The following ECHDC3 variants were observed in gnomAD, a reference collection of about 807,000 sequenced individuals.
ECHDC3 encodes the protein enoyl-CoA hydratase domain containing 3, also known as enoyl-CoA hydratase domain-containing protein 3, mitochondrial.
ECHDC3 carries 20 observed loss-of-function variants against 17.9 expected under a neutral mutation model. That is an observed-to-expected ratio of 1.12 (90% CI 0.79 to 1.63). The LOEUF is 1.63. Among genes scored for constraint, ECHDC3 ranks in the 40% most tolerant of loss-of-function variants. The pLI is 0.00. For missense variants in ECHDC3, 407 were observed against 357.7 expected (o/e 1.14, Z -1.11); for synonymous variants, 177 against 149.7 (o/e 1.18, Z -1.33).
In ECHDC3 at chr10:11,742,712, C is replaced by A; in HGVS notation, c.136C>A (p.Arg46=). The A allele has an allele frequency of 1.6e-6, 2 of 1,237,552 alleles. No homozygotes were observed. The highest frequency in any genetic ancestry group is 2.0e-6 in the Non-Finnish European group (2 of 991,328). 76.7% of individuals were successfully genotyped at this position (1,237,552 alleles called of 1,614,324 possible). A position where few individuals can be genotyped will look rare whatever the true frequency, so the allele number is the denominator to read the frequency against. ...AGAGRRESEP[R]PTSARQLDGI... is the part of the protein sequence containing the mutation. ...GGCGGGGCGGCGGGAGTCGGAGCCG[C>A]GGCCCACCAGCGCGCGGCAGCTGGA... The change falls in exon 1 of 5, where the codon CGG becomes AGG. Residue 46 remains arginine, a synonymous_variant. Transcript: ENST00000379215.
intron 4 of ECHDC3, 74 bp downstream of exon 4, chr10:11,755,682 T>A: frequency 7.3e-7 from 1 of 1,364,056 alleles, no homozygotes; most frequent in African/African-American, 1.4e-5. Flanking sequence ...ATGCGATGAT[T>A]CAAGATCCGC....
intron 4 of ECHDC3, among the ~76,000 whole-genome samples, chr10:11,761,897 AGGACAGTCTTCCAGTGCT>A (rs1832957392): frequency 6.6e-6 from 1 of 152,202 alleles, no homozygotes; most frequent in Non-Finnish European, 1.5e-5. Flanking sequence ...TGCTATGTGC[AGGACAGTCTTCCAGTGCT>A]GGAGATACAG....
At chr10:11,753,730 A>G (rs1246668954) in intron 3 of ECHDC3, among the ~76,000 whole-genome samples, 2 of 152,014 alleles carry the variant, frequency 1.3e-5, no homozygotes, top group Non-Finnish European at 2.9e-5. Flanking sequence ...ATCCGTGAAT[A>G]GTGTTGTGTA....
rs116651922 is a variant in ECHDC3 at position 11,749,402 on chromosome 10, G to A, written c.293-93G>A. 354 of 1,185,586 alleles carry A rather than the reference G, an allele frequency of 3.0e-4. No homozygotes were observed. In the African/African-American group the frequency reaches 4.9e-3, roughly 17 times the overall value. 73.4% of individuals were successfully genotyped at this position (1,185,586 alleles called of 1,614,324 possible). A position where few individuals can be genotyped will look rare whatever the true frequency, so the allele number is the denominator to read the frequency against. ...AACTTGCTCTAAGTGAAAGTTTGCT[G>A]AAGTTATTCAGTAGACAAGGAAGGG... On this transcript the variant is annotated intron_variant, in intron 2 of 4. Transcript: ENST00000379215.
In ECHDC3 at chr10:11,755,588, G is replaced by T. The variant is rs370058473; in HGVS notation, c.571G>T (p.Ala191Ser). The T allele has an allele frequency of 2.2e-5, 36 of 1,613,146 alleles. No homozygotes were observed. The Admixed American group carries it at 5.0e-4, about 22-fold the overall frequency. ...CTGTTCTACCCCTGGGGTTGCCTTG[G>T]CAAGAGCAGTGCCTAGAAAGGTAAT... ...LFCSTPGVAL[A>S]RAVPRKVALE... Residue 191 changes from alanine (A) to serine (S), a missense_variant, in exon 4 of 5, where the codon GCA becomes TCA. Coordinates refer to ENST00000379215, the MANE Select transcript of ECHDC3 (RefSeq NM_024693.5).
At chr10:11,756,373 A>C (rs1424479780) in intron 4 of ECHDC3, among the ~76,000 whole-genome samples, 1 of 152,236 alleles carries the variant, frequency 6.6e-6, no homozygotes, top group East Asian at 1.9e-4. Context: ...AGGGGGCAGA[A>C]TCTTAGACCA....
intron 4 of ECHDC3, among the ~76,000 whole-genome samples, chr10:11,760,404 A>T (rs923968965): frequency 6.6e-6 from 1 of 152,214 alleles, no homozygotes; most frequent in East Asian, 1.9e-4. Context: ...CCAGGCTGCA[A>T]GCCCCCCACC....
At chr10:11,761,469 G>A (rs10795888) in intron 4 of ECHDC3, among the ~76,000 whole-genome samples, 100,494 of 152,114 alleles carry the variant, frequency 0.66, 33,754 homozygotes, top group Non-Finnish European at 0.71. Context: ...TAGTCCAGCT[G>A]TCACCAGGCA....
At chr10:11,755,879 G>A in intron 4 of ECHDC3, 1 of 390,210 alleles carries the variant, frequency 2.6e-6, no homozygotes, top group Non-Finnish European at 4.6e-6. Context: ...CAGTACCACT[G>A]GGTAGGTTTG....
intron 3 of ECHDC3, 149 bp downstream of exon 3, chr10:11,749,741 TC>T: frequency 4.4e-6 from 1 of 228,008 alleles, no homozygotes; most frequent in East Asian, 1.0e-4. Flanking sequence ...AGATCCTTTA[TC>T]CCAGCAATCC....
In ECHDC3 at chr10:11,755,534, G is replaced by A. The variant is rs746169362; in HGVS notation, c.517G>A (p.Ala173Thr). 5.0e-6 allele frequency: 8 copies of A among 1,614,052 alleles called. No homozygotes were observed. Among genetic ancestry groups the A allele is most frequent in the Non-Finnish European group, 6.8e-6 (8 of 1,179,998 alleles). ...CGTGGCGAGCGACAAGTCCTCTTTT[G>A]CCACTCCTGGGGTGAACGTCGGGCT... is the stretch of plus-strand genomic sequence containing the variant. Reference protein sequence around the residue: ...IAVASDKSSFATPGVNVGLFC... With the variant: ...IAVASDKSSFTTPGVNVGLFC... Residue 173 changes from alanine to threonine, a missense_variant, in exon 4 of 5, where the codon GCC becomes ACC. Coordinates refer to ENST00000379215, the MANE Select transcript of ECHDC3 (RefSeq NM_024693.5).
chr10:11,762,750 G>T (rs563069649), intron 4 of ECHDC3, among the ~76,000 whole-genome samples: 2 of 152,286 alleles, frequency 1.3e-5, no homozygotes, highest in South Asian at 4.1e-4. Context: ...GTAAATCCTT[G>T]CCTCTCCGGG....
At chr10:11,762,605 C>G (rs1288369980) in intron 4 of ECHDC3, among the ~76,000 whole-genome samples, 1 of 152,138 alleles carries the variant, frequency 6.6e-6, no homozygotes, top group Non-Finnish European at 1.5e-5. Flanking sequence ...GCTGGGCTCC[C>G]CCGCTCTTCA....
intron 4 of ECHDC3, among the ~76,000 whole-genome samples, chr10:11,761,966 C>T (rs750700321): frequency 6.6e-6 from 1 of 152,018 alleles, no homozygotes; most frequent in East Asian, 1.9e-4. Context: ...GGCATGGTGG[C>T]TCACACCTGT....
In ECHDC3 at chr10:11,742,660, C is replaced by T. The variant is rs748653173; in HGVS notation, c.84C>T (p.Ala28=). The T allele has an allele frequency of 2.4e-5, 30 of 1,250,418 alleles. No individual in the cohort carries two copies. Among genetic ancestry groups the T allele is most frequent in the Non-Finnish European group, 2.9e-5 (29 of 999,350 alleles). The allele number at this position is 1,250,418 out of a possible 1,614,324, so 77.5% of individuals were successfully genotyped here. ...GCGGCCCCTGGGCCCAGCTCCCCGC[C>T]CGCTTCTGCAGCCGGGACCCGGCCG... ...LRRGPWAQLP[A]RFCSRDPAGA... The change falls in exon 1 of 5, where the codon GCC becomes GCT. Residue 28 remains alanine, a synonymous_variant. Transcript: ENST00000379215.
intron 4 of ECHDC3, among the ~76,000 whole-genome samples, chr10:11,761,381 G>T (rs1832948940): frequency 6.6e-6 from 1 of 152,188 alleles, no homozygotes; most frequent in Non-Finnish European, 1.5e-5. Flanking sequence ...CCCTGCAAAA[G>T]TTATCCAAAC....
At chr10:11,742,841 C>G (rs1312454899) in intron 1 of ECHDC3, 95 bp downstream of exon 1, 3 of 1,188,856 alleles carry the variant, frequency 2.5e-6, no homozygotes, top group East Asian at 6.8e-5. Context: ...ACCGGAGCCC[C>G]GTTTACGCCC....
At chr10:11,747,215 T>C in intron 1 of ECHDC3, 134 bp from the exon 2 acceptor site, 1 of 1,166,600 alleles carries the variant, frequency 8.6e-7, no homozygotes, top group Non-Finnish European at 1.2e-6. Flanking sequence ...ACAGACCCTC[T>C]AAATTGGCAC....
At chr10:11,742,814 CGG>C in intron 1 of ECHDC3, 68 bp downstream of exon 1, 1 of 1,221,358 alleles carries the variant, frequency 8.2e-7, no homozygotes, top group Non-Finnish European at 1.0e-6. Flanking sequence ...GCCATTGACC[CGG>C]GGAGGACCCG....
Sources: allele counts gnomAD v4.1 joint callset (sites outside exome capture counted in the v4.1 genomes callset), GRCh38; gene constraint gnomAD v4.1.1; transcripts MANE v1.5; gene names NCBI Gene and HGNC (gene_info 2026-07-23, HGNC 2026-07-21).